The following TASP1 variants were observed in gnomAD, a reference collection of about 807,000 sequenced individuals.
TASP1 encodes the protein threonine aspartase 1.
A neutral mutation model predicts 56.6 loss-of-function variants in TASP1; 16 were observed. That is an observed-to-expected ratio of 0.28 (90% CI 0.19 to 0.43). The LOEUF (loss-of-function observed/expected upper bound fraction) is 0.43. Ranked by LOEUF, TASP1 falls within the 20% of genes least tolerant of loss-of-function variation. TASP1 has a pLI of 1.00. For missense variants in TASP1, 393 were observed against 511.6 expected (o/e 0.77, Z 2.24); for synonymous variants, 179 against 184.2 (o/e 0.97, Z 0.23).
chr20:13,490,985 C>T (rs995175982), intron 10 of TASP1, among the ~76,000 whole-genome samples: 1 of 152,104 alleles, frequency 6.6e-6, no homozygotes, highest in Non-Finnish European at 1.5e-5. Context: ...ACTTTGCTGC[C>T]TCTCATCCTA....
the TASP1 span, among the ~76,000 whole-genome samples, chr20:13,232,419 A>G: frequency 6.6e-6 from 1 of 152,224 alleles, no homozygotes; most frequent in African/African-American, 2.4e-5. Context: ...GCATTGCATG[A>G]TATGGCTTTT....
chr20:13,395,618 T>C (rs3827704), intron 13 of TASP1, among the ~76,000 whole-genome samples: 128,546 of 152,076 alleles, frequency 0.85, 54,790 homozygotes, highest in African/African-American at 0.95. Flanking sequence ...TGAGACTGTA[T>C]TGTGAACTGG....
chr20:13,517,654 T>G (rs1019312031), intron 10 of TASP1, among the ~76,000 whole-genome samples: 8 of 152,118 alleles, frequency 5.3e-5, no homozygotes, highest in Non-Finnish European at 8.8e-5. Context: ...AAGTAACATG[T>G]CGCACTGAAT....
At chr20:13,616,829 A>G (rs2048540298) in intron 4 of TASP1, 2 of 301,830 alleles carry the variant, frequency 6.6e-6, no homozygotes, top group African/African-American at 2.3e-5. Context: ...AGTACTCAAA[A>G]AAGTGTTTTA....
At position 13,569,494 on chromosome 20, in the gene TASP1, A is replaced by G. The variant is rs757868011; in HGVS notation, c.568+13T>C. On this transcript the variant is annotated intron_variant, in intron 7 of 13. Coordinates refer to ENST00000337743, the MANE Select transcript of TASP1 (RefSeq NM_017714.3). Reference sequence around the variant, plus strand: ...TGCTCATATAGCTTAATTTTTTTTAAGTTTTTACTCACTTGTGGTCATGAT... The same window carrying G: ...TGCTCATATAGCTTAATTTTTTTTAGGTTTTTACTCACTTGTGGTCATGAT... 7 of 1,608,250 alleles carry G rather than the reference A, an allele frequency of 4.4e-6. No homozygotes were observed. The African/African-American group carries it at 9.4e-5, about 22-fold the overall frequency.
At chr20:13,445,942 G>C (rs1420335081) in intron 11 of TASP1, among the ~76,000 whole-genome samples, 1 of 152,062 alleles carries the variant, frequency 6.6e-6, no homozygotes, top group Non-Finnish European at 1.5e-5. Context: ...TTTTATAAAA[G>C]TTCACTTCAC....
chr20:13,217,443 A>T, the TASP1 span, among the ~76,000 whole-genome samples: 2 of 152,264 alleles, frequency 1.3e-5, no homozygotes, highest in Non-Finnish European at 2.9e-5. Flanking sequence ...ATAAAATCCT[A>T]GTCATAATAG....
the TASP1 span, among the ~76,000 whole-genome samples, chr20:13,215,860 T>C: frequency 1.3e-5 from 2 of 152,234 alleles, no homozygotes; most frequent in East Asian, 3.8e-4. Context: ...CCCACAAGCC[T>C]GGCAGCTGCT....
At chr20:13,547,378 T>C (rs553447754) in intron 8 of TASP1, among the ~76,000 whole-genome samples, 3 of 152,314 alleles carry the variant, frequency 2.0e-5, no homozygotes, top group African/African-American at 7.2e-5. Context: ...AATATTCCAT[T>C]ATTAATTACT....
chr20:13,209,489 T>A, the TASP1 span, among the ~76,000 whole-genome samples: 1 of 152,220 alleles, frequency 6.6e-6, no homozygotes, highest in Non-Finnish European at 1.5e-5. Flanking sequence ...TTTTATGAAT[T>A]CTTTCTGTAA....
At chr20:13,246,382 C>T in the TASP1 span, among the ~76,000 whole-genome samples, 5,506 of 152,198 alleles carry the variant, frequency 0.036, 168 homozygotes, top group African/African-American at 0.077. Flanking sequence ...CTTCCTGCTC[C>T]CTGCCTATCT....
intron 10 of TASP1, among the ~76,000 whole-genome samples, chr20:13,486,243 A>C (rs561923292): frequency 6.6e-6 from 1 of 152,324 alleles, no homozygotes; most frequent in East Asian, 1.9e-4. Flanking sequence ...ACCAAAAAAT[A>C]AGACTTTCAC....
At chr20:13,623,225 CA>C (rs149377512) in intron 4 of TASP1, among the ~76,000 whole-genome samples, 10 of 144,148 alleles carry the variant, frequency 6.9e-5, no homozygotes, top group Non-Finnish European at 1.1e-4. Context: ...ATGAATCTCA[CA>C]AAAAAAAAAG....
intron 13 of TASP1, among the ~76,000 whole-genome samples, chr20:13,412,863 A>G (rs1032239316): frequency 5.3e-5 from 8 of 152,186 alleles, no homozygotes; most frequent in African/African-American, 1.9e-4. Flanking sequence ...CAAGGACTTA[A>G]TGGGGTCTAG....
the TASP1 span, among the ~76,000 whole-genome samples, chr20:13,120,447 G>A: frequency 3.3e-5 from 5 of 152,108 alleles, no homozygotes. Flanking sequence ...AGGGTTCTCA[G>A]TAAACCCTGA....
At chr20:13,391,484 C>A (rs143862111) in intron 13 of TASP1, among the ~76,000 whole-genome samples, 1 of 152,160 alleles carries the variant, frequency 6.6e-6, no homozygotes, top group East Asian at 1.9e-4. Context: ...GTTCTCTAAA[C>A]GAGCTTTTCC....
At chr20:13,388,248 G>C (rs115154013), downstream of TASP1, among the ~76,000 whole-genome samples, 388 of 152,264 alleles carry the variant, frequency 2.5e-3, 2 homozygotes, top group African/African-American at 8.6e-3. Context: ...AAATGAAGTT[G>C]ATTTTACATC....
the TASP1 span, among the ~76,000 whole-genome samples, chr20:13,143,431 A>T: frequency 3.3e-5 from 5 of 152,226 alleles, no homozygotes; most frequent in Non-Finnish European, 5.9e-5. Context: ...AACAGTATGC[A>T]GTGGGCATTA....
At chr20:13,295,456 C>T in the TASP1 span, among the ~76,000 whole-genome samples, 1 of 152,208 alleles carries the variant, frequency 6.6e-6, no homozygotes, top group Middle Eastern at 3.2e-3. Flanking sequence ...CAGCCCCAGA[C>T]ATCCCCAGCA....
Sources: allele counts gnomAD v4.1 joint callset (sites outside exome capture counted in the v4.1 genomes callset), GRCh38; gene constraint gnomAD v4.1.1; transcripts MANE v1.5; gene names NCBI Gene and HGNC (gene_info 2026-07-23, HGNC 2026-07-21).